ELL2: variants seen among roughly 807,000 people sequenced by gnomAD.
ELL2 encodes the protein RNA polymerase II elongation factor ELL2.
ELL2 carries 21 observed loss-of-function variants against 72.8 expected under a neutral mutation model. The observed-to-expected ratio is 0.29, with a 90% CI of 0.20 to 0.42. ELL2 has a LOEUF of 0.42. ELL2 is among the 10% of genes least tolerant of loss of function. The pLI is 1.00. For synonymous variants in ELL2, 266 were observed against 283.2 expected (o/e 0.94, Z 0.61); for missense variants, 568 against 772.8 (o/e 0.73, Z 3.14).
chr5:95,918,554 C>T (rs929868335), intron 3 of ELL2, among the ~76,000 whole-genome samples: 1 of 152,204 alleles, frequency 6.6e-6, no homozygotes, highest in Non-Finnish European at 1.5e-5. Flanking sequence ...GGAAACACAA[C>T]TTTGCTTCTT....
chr5:95,956,257 A>T (rs1233212213), intron 1 of ELL2, among the ~76,000 whole-genome samples: 1 of 152,126 alleles, frequency 6.6e-6, no homozygotes, highest in African/African-American at 2.4e-5. Context: ...AGGGAGGAAC[A>T]CCCTCCGTTG....
intron 10 of ELL2, among the ~76,000 whole-genome samples, chr5:95,890,440 C>T (rs959035294): frequency 1.3e-5 from 2 of 152,192 alleles, no homozygotes; most frequent in African/African-American, 4.8e-5. Flanking sequence ...AGTTATCTAG[C>T]CCACACGGGA....
intron 4 of ELL2, among the ~76,000 whole-genome samples, chr5:95,907,292 A>ATTTTTTTTTTTTTTT (rs895711670): frequency 2.6e-5 from 2 of 76,042 alleles, no homozygotes; most frequent in African/African-American, 7.4e-5. Flanking sequence ...ATATATATAT[A>ATTTTTTTTTTTTTTT]TATATTTTTT....
At chr5:95,921,898 A>C (rs1053122308) in intron 2 of ELL2, among the ~76,000 whole-genome samples, 1 of 152,158 alleles carries the variant, frequency 6.6e-6, no homozygotes, top group Non-Finnish European at 1.5e-5. Context: ...AAATTTTAAA[A>C]GTGGTTTTAA....
intron 1 of ELL2, among the ~76,000 whole-genome samples, chr5:95,953,291 G>C (rs1751487583): frequency 6.6e-6 from 1 of 152,138 alleles, no homozygotes; most frequent in South Asian, 2.1e-4. Context: ...TGTTTGCTGA[G>C]TGAACAAACG....
At chr5:95,934,117 A>C (rs1442431084) in intron 2 of ELL2, among the ~76,000 whole-genome samples, 1 of 152,222 alleles carries the variant, frequency 6.6e-6, no homozygotes, top group Non-Finnish European at 1.5e-5. Context: ...AAAACTAAAA[A>C]GCATTCAGAT....
At chr5:95,898,161 A>T (rs1193921583) in intron 8 of ELL2, 79 bp downstream of exon 8, 1 of 1,197,274 alleles carries the variant, frequency 8.4e-7, no homozygotes, top group Admixed American at 2.5e-5. Context: ...GTCATTTGCT[A>T]AAGAAATTAC....
chr5:95,912,998 A>G (rs1048006643), intron 4 of ELL2, among the ~76,000 whole-genome samples: 3 of 152,364 alleles, frequency 2.0e-5, no homozygotes, highest in Admixed American at 6.5e-5. Flanking sequence ...CAAGGACTCA[A>G]AGAGCTCCTC....
intron 2 of ELL2, among the ~76,000 whole-genome samples, chr5:95,930,948 A>T (rs1034936870): frequency 2.0e-5 from 3 of 152,176 alleles, no homozygotes; most frequent in African/African-American, 7.2e-5. Context: ...TATTTGGAGA[A>T]TACCAAAGGT....
chr5:95,939,503 T>G (rs1011400634), intron 2 of ELL2, among the ~76,000 whole-genome samples: 8 of 152,238 alleles, frequency 5.3e-5, no homozygotes, highest in African/African-American at 1.9e-4. Context: ...GCTACCTGTT[T>G]ATAGTTTATT....
At chr5:95,949,568 T>C (rs1751297290) in intron 1 of ELL2, among the ~76,000 whole-genome samples, 2 of 152,144 alleles carry the variant, frequency 1.3e-5, no homozygotes, top group African/African-American at 4.8e-5. Flanking sequence ...TAACTAAAGG[T>C]TAACTCTTGA....
chr5:95,937,184 G>A (rs1203972361), intron 2 of ELL2, among the ~76,000 whole-genome samples: 1 of 152,114 alleles, frequency 6.6e-6, no homozygotes, highest in African/African-American at 2.4e-5. Context: ...TCATGCTTTG[G>A]GGGGCTTGTC....
intron 1 of ELL2, among the ~76,000 whole-genome samples, chr5:95,950,582 C>T (rs2112356276): frequency 6.6e-6 from 1 of 152,038 alleles, no homozygotes; most frequent in African/African-American, 2.4e-5. Context: ...CCTTCTTTGC[C>T]TCAAACCTTT....
chr5:95,885,910 A>G lies in ELL2; in HGVS notation c.*2961T>C, dbSNP rs926012154. 3 of 152,232 alleles carry G rather than the reference A, an allele frequency of 2.0e-5. No homozygotes were observed. The highest frequency in any genetic ancestry group is 2.0e-4 in the Admixed American group (3 of 15,282). The allele number at this position is 152,232 out of a possible 1,614,324, so 9.4% of individuals were successfully genotyped here. A position where few individuals can be genotyped will look rare whatever the true frequency, so the allele number is the denominator to read the frequency against. On this transcript the variant is annotated 3_prime_UTR_variant, in exon 12 of 12. Coordinates refer to ENST00000237853, the MANE Select transcript of ELL2 (RefSeq NM_012081.6). ...AGTGGAATAAATAACAAGGTAGGAA[A>G]TGCAATACCTATATATTTTAAAAAG...
At chr5:95,916,771 G>A (rs1163025665) in intron 3 of ELL2, among the ~76,000 whole-genome samples, 1 of 151,174 alleles carries the variant, frequency 6.6e-6, no homozygotes, top group East Asian at 1.9e-4. Flanking sequence ...CCCACTGACA[G>A]AGGAATGCTG....
chr5:95,945,353 T>C (rs1305161640), intron 1 of ELL2, among the ~76,000 whole-genome samples: 3 of 152,174 alleles, frequency 2.0e-5, no homozygotes, highest in African/African-American at 7.2e-5. Context: ...GTTTACATAC[T>C]ACATGCCACT....
At chr5:95,940,242 C>T (rs931658162) in intron 2 of ELL2, among the ~76,000 whole-genome samples, 1 of 152,204 alleles carries the variant, frequency 6.6e-6, no homozygotes, top group African/African-American at 2.4e-5. Flanking sequence ...TGCTGCCCAA[C>T]TGTGATAATA....
chr5:95,937,041 C>T (rs933445653), intron 2 of ELL2, among the ~76,000 whole-genome samples: 1 of 152,194 alleles, frequency 6.6e-6, no homozygotes, highest in Non-Finnish European at 1.5e-5. Context: ...AGGCAGTAAG[C>T]TTAACTCATT....
chr5:95,947,169 T>C (rs944667350), intron 1 of ELL2, among the ~76,000 whole-genome samples: 1 of 152,134 alleles, frequency 6.6e-6, no homozygotes, highest in Non-Finnish European at 1.5e-5. Context: ...CTTAGGCATA[T>C]GTAACTTACA....
Sources: allele counts gnomAD v4.1 joint callset (sites outside exome capture counted in the v4.1 genomes callset), GRCh38; gene constraint gnomAD v4.1.1; transcripts MANE v1.5; gene names NCBI Gene and HGNC (gene_info 2026-07-23, HGNC 2026-07-21).